MARCHF1: variants seen among roughly 807,000 people sequenced by gnomAD.
The protein encoded by MARCHF1 is E3 ubiquitin-protein ligase MARCHF1.
A neutral mutation model predicts 54.2 loss-of-function variants in MARCHF1; 40 were observed. The ratio of observed to expected loss-of-function variants is 0.74; its 90% CI spans 0.57 to 0.96. The LOEUF (loss-of-function observed/expected upper bound fraction) is 0.96. Ranked by LOEUF, MARCHF1 falls within the 40% of genes least tolerant of loss-of-function variation. The pLI is 0.00. For synonymous variants in MARCHF1, 236 were observed against 236.3 expected, an observed-to-expected ratio of 1.00 and a Z score of 0.01; for missense variants, 586 against 656.5, an observed-to-expected ratio of 0.89 and a Z score of 1.17.
intron 1 of MARCHF1, chr4:164,197,445 T>C (rs1416730050): frequency 2.4e-5 from 39 of 1,613,666 alleles, no homozygotes; most frequent in Non-Finnish European, 3.2e-5. Context: ...CACTTAAATA[T>C]AGATGCGTGA....
At chr4:164,145,495 C>T (rs1483501485) in intron 1 of MARCHF1, among the ~76,000 whole-genome samples, 6 of 152,012 alleles carry the variant, frequency 3.9e-5, no homozygotes, top group African/African-American at 1.4e-4. Flanking sequence ...GGCTTCATCC[C>T]TGGGATGCAA....
At chr4:163,856,240 T>C (rs1441885250) in intron 3 of MARCHF1, among the ~76,000 whole-genome samples, 4 of 152,224 alleles carry the variant, frequency 2.6e-5, no homozygotes, top group African/African-American at 9.7e-5. Context: ...TAGTTTTCTA[T>C]TGCATATAAC....
intron 1 of MARCHF1, among the ~76,000 whole-genome samples, chr4:164,357,282 T>C (rs1730586441): frequency 6.6e-6 from 1 of 152,158 alleles, no homozygotes; most frequent in Non-Finnish European, 1.5e-5. Flanking sequence ...TCTTTGTCTT[T>C]TCAGCTTCTA....
intron 5 of MARCHF1, among the ~76,000 whole-genome samples, chr4:163,636,762 A>C (rs1305039987): frequency 6.6e-6 from 1 of 152,044 alleles, no homozygotes; most frequent in Non-Finnish European, 1.5e-5. Flanking sequence ...GTTCATATGG[A>C]ACCAAAAAAG....
chr4:163,975,048 T>C (rs1036271883), intron 3 of MARCHF1, among the ~76,000 whole-genome samples: 8 of 152,166 alleles, frequency 5.3e-5, no homozygotes, highest in Admixed American at 5.2e-4. Flanking sequence ...TTCTTGAGTC[T>C]CAGTCTTGCC....
chr4:163,733,195 A>G lies in MARCHF1; in HGVS notation c.112-32332T>C, dbSNP rs1303958829. 3.8e-4 allele frequency among the ~76,000 whole-genome samples: 10 copies of G among 26,342 alleles called. 1 individual carries two copies. The East Asian group carries it at 4.0e-3, about 10-fold the overall frequency. The allele number at this position is 26,342 out of a possible 152,430, so 17.3% of individuals were successfully genotyped here. A position where few individuals can be genotyped will look rare whatever the true frequency, so the allele number is the denominator to read the frequency against. ...TATGTGTGTATATATATATATATAT[A>G]TATATATATATATATATATATATAT... On this transcript the variant is annotated intron_variant, in intron 4 of 9. Coordinates refer to ENST00000514618, the MANE Select transcript of MARCHF1 (RefSeq NM_001394959.1).
At chr4:163,545,945 A>ATG (rs1491111817) in intron 8 of MARCHF1, among the ~76,000 whole-genome samples, 4 of 91,238 alleles carry the variant, frequency 4.4e-5, no homozygotes, top group African/African-American at 1.7e-4. Flanking sequence ...ACTTAAATAC[A>ATG]TATGTGTGTG....
chr4:164,183,108 C>G (rs184092471), intron 1 of MARCHF1, among the ~76,000 whole-genome samples: 25 of 152,102 alleles, frequency 1.6e-4, no homozygotes, highest in Admixed American at 7.2e-4. Flanking sequence ...TTTCCATTCT[C>G]TAATTGTTTG....
chr4:163,854,237 T>A (rs1453138671), intron 3 of MARCHF1, 68 bp from the exon 4 acceptor site: 1 of 1,196,662 alleles, frequency 8.4e-7, no homozygotes, highest in East Asian at 2.7e-5. Flanking sequence ...ATACATATAA[T>A]CAAAATTAAA....
chr4:164,341,160 T>G (rs182324109), intron 1 of MARCHF1, among the ~76,000 whole-genome samples: 1 of 152,202 alleles, frequency 6.6e-6, no homozygotes, highest in East Asian at 1.9e-4. Flanking sequence ...GAGAAAGTAT[T>G]TGACAAAATT....
At chr4:163,802,593 C>T (rs528158023) in intron 4 of MARCHF1, among the ~76,000 whole-genome samples, 8 of 152,004 alleles carry the variant, frequency 5.3e-5, no homozygotes, top group East Asian at 3.9e-4. Context: ...TTTCTGTATC[C>T]GAGAGAAAAT....
At chr4:164,099,564 A>G (rs1755491220) in intron 2 of MARCHF1, among the ~76,000 whole-genome samples, 1 of 152,196 alleles carries the variant, frequency 6.6e-6, no homozygotes, top group African/African-American at 2.4e-5. Context: ...CCTAAGGCAT[A>G]TTAGAAAGCA....
chr4:163,737,077 G>C (rs2111345364), intron 4 of MARCHF1, among the ~76,000 whole-genome samples: 1 of 151,494 alleles, frequency 6.6e-6, no homozygotes, highest in Middle Eastern at 3.4e-3. Context: ...GTAGAGACCT[G>C]GTGTCTAAGT....
At chr4:163,797,670 T>C (rs1354755484) in intron 4 of MARCHF1, among the ~76,000 whole-genome samples, 3 of 152,118 alleles carry the variant, frequency 2.0e-5, no homozygotes, top group Admixed American at 6.6e-5. Context: ...CTTTAACTTG[T>C]CTATTTTAAA....
intron 8 of MARCHF1, among the ~76,000 whole-genome samples, chr4:163,559,906 C>T (rs1739412310): frequency 6.6e-6 from 1 of 152,078 alleles, no homozygotes; most frequent in African/African-American, 2.4e-5. Flanking sequence ...AAATTTCTTG[C>T]CCATTTTTCT....
At chr4:163,975,622 C>A (rs1381857868) in intron 3 of MARCHF1, among the ~76,000 whole-genome samples, 1 of 152,126 alleles carries the variant, frequency 6.6e-6, no homozygotes, top group African/African-American at 2.4e-5. Flanking sequence ...AAGGGATTGG[C>A]TTTATGGCCC....
rs1738212212 is a variant in MARCHF1, at chr4:163,528,354, C to T, written c.*394G>A. 1 of 165,198 alleles carries T rather than the reference C, an allele frequency of 6.1e-6. No homozygotes were observed. The highest frequency in any genetic ancestry group is 6.1e-5 in the Admixed American group (1 of 16,390). 10.2% of individuals were successfully genotyped at this position (165,198 alleles called of 1,614,324 possible). A position where few individuals can be genotyped will look rare whatever the true frequency, so the allele number is the denominator to read the frequency against. ...TTTCCAGATGAGACAGTTAACATTA[C>T]AAGGCCCTAGAAGTAATACACATCG... is the stretch of plus-strand genomic sequence containing the variant. On this transcript the variant is annotated 3_prime_UTR_variant, in exon 10 of 10. Coordinates refer to ENST00000514618, the MANE Select transcript of MARCHF1 (RefSeq NM_001394959.1).
At chr4:163,715,546 T>G (rs1579219761) in intron 4 of MARCHF1, among the ~76,000 whole-genome samples, 1 of 152,194 alleles carries the variant, frequency 6.6e-6, no homozygotes, top group East Asian at 1.9e-4. Context: ...TTTGTGTATT[T>G]GTGCTTCTTT....
intron 2 of MARCHF1, among the ~76,000 whole-genome samples, chr4:164,109,724 T>G (rs1199480824): frequency 6.6e-6 from 1 of 151,536 alleles, no homozygotes; most frequent in East Asian, 1.9e-4. Context: ...TCCTGGATTT[T>G]ACTAATCTAA....
Sources: gnomAD v4.1 joint callset for allele counts (sites outside exome capture counted in the v4.1 genomes callset) on GRCh38, gnomAD v4.1.1 for gene constraint, MANE v1.5 for transcripts, NCBI Gene and HGNC (gene_info 2026-07-23, HGNC 2026-07-21) for gene names.